EXOC2: variants seen among roughly 807,000 people sequenced by gnomAD.
EXOC2 encodes the protein exocyst complex component 2.
In EXOC2, 70 loss-of-function variants were observed where a neutral mutation model predicts 131.8. That is an observed-to-expected ratio of 0.53 (90% CI 0.44 to 0.65). EXOC2 has a LOEUF of 0.65. EXOC2 is among the 30% of genes least tolerant of loss of function. EXOC2 has a pLI of 0.00. For synonymous variants in EXOC2, 411 were observed against 398.4 expected (o/e 1.03, Z -0.38); for missense variants, 923 against 1,108.6 (o/e 0.83, Z 2.38).
intron 4 of EXOC2, among the ~76,000 whole-genome samples, chr6:627,113 T>C (rs1171146046): frequency 6.6e-6 from 1 of 151,914 alleles, no homozygotes; most frequent in East Asian, 1.9e-4. Flanking sequence ...AGTAAGTAAA[T>C]CAGCAAAATA....
intron 1 of EXOC2, among the ~76,000 whole-genome samples, chr6:655,014 T>A (rs755077793): frequency 3.3e-5 from 5 of 152,094 alleles, no homozygotes; most frequent in Non-Finnish European, 7.4e-5. Flanking sequence ...TTTAGTACAG[T>A]GTATAAACTT....
At chr6:675,431 A>G (rs985307035) in intron 1 of EXOC2, among the ~76,000 whole-genome samples, 1 of 152,222 alleles carries the variant, frequency 6.6e-6, no homozygotes, top group Non-Finnish European at 1.5e-5. Flanking sequence ...GTGCGCAGAC[A>G]TGCAGGAGTA....
intron 23 of EXOC2, among the ~76,000 whole-genome samples, chr6:509,276 T>C (rs1486758306): frequency 1.3e-5 from 2 of 152,222 alleles, no homozygotes; most frequent in Non-Finnish European, 2.9e-5. Context: ...GCAATAAACA[T>C]AGATTCTTGG....
chr6:687,222 G>A (rs181899897), intron 1 of EXOC2, among the ~76,000 whole-genome samples: 1 of 112,072 alleles, frequency 8.9e-6, no homozygotes, highest in Non-Finnish European at 1.7e-5. Context: ...AGTCACCCAG[G>A]CTGCTGGAGT....
intron 22 of EXOC2, among the ~76,000 whole-genome samples, chr6:539,168 C>G (rs1006479831): frequency 6.6e-6 from 1 of 151,988 alleles, no homozygotes; most frequent in Admixed American, 6.6e-5. Flanking sequence ...ATCATAAGTT[C>G]AGGAATATCT....
chr6:564,290 A>G, intron 15 of EXOC2, 136 bp from the exon 16 acceptor site: 2 of 1,321,734 alleles, frequency 1.5e-6, no homozygotes, highest in African/African-American at 2.9e-5. Flanking sequence ...AACAGACCAC[A>G]ACTGGGACTG....
chr6:494,212 C>A (rs1485864695), intron 25 of EXOC2, among the ~76,000 whole-genome samples: 3 of 152,186 alleles, frequency 2.0e-5, no homozygotes, highest in Non-Finnish European at 1.5e-5. Context: ...TCTCCCCTAA[C>A]CAAATTAACA....
chr6:495,469 C>G (rs1351464643), intron 25 of EXOC2, among the ~76,000 whole-genome samples: 1 of 152,178 alleles, frequency 6.6e-6, no homozygotes, highest in African/African-American at 2.4e-5. Flanking sequence ...CCATGGTGAA[C>G]ATTCTTACAA....
At chr6:677,934 T>TCTCACACACA (rs111239666) in intron 1 of EXOC2, among the ~76,000 whole-genome samples, 2,537 of 147,282 alleles carry the variant, frequency 0.017, 29 homozygotes, top group African/African-American at 0.022. Context: ...TTATAATCTC[T>TCTCACACACA]CACACACACA....
At chr6:642,184 A>G (rs1762386245) in intron 1 of EXOC2, among the ~76,000 whole-genome samples, 1 of 152,232 alleles carries the variant, frequency 6.6e-6, no homozygotes, top group South Asian at 2.1e-4. Flanking sequence ...ATTTCAAGTC[A>G]TGCTCAAATG....
chr6:693,118 C>T lies in EXOC2; in HGVS notation c.-143G>A, dbSNP rs1765032407. The T allele has an allele frequency of 6.6e-6, 1 of 152,400 alleles. No individual in the cohort carries two copies. The highest frequency in any genetic ancestry group is 2.4e-5 in the African/African-American group (1 of 41,468). The allele number at this position is 152,400 out of a possible 1,614,324, so 9.4% of individuals were successfully genotyped here. On this transcript the variant is annotated 5_prime_UTR_variant, in exon 1 of 28. Coordinates refer to ENST00000230449, the MANE Select transcript of EXOC2 (RefSeq NM_018303.6). Reference sequence around the variant, plus strand: ...CCAGCCGCCGGCACCTCACTTCCGCCCGCCGCGAGCGCCGAGCGTGTAGAT... The same window carrying T: ...CCAGCCGCCGGCACCTCACTTCCGCTCGCCGCGAGCGCCGAGCGTGTAGAT...
chr6:629,869 G>GT lies in EXOC2; in HGVS notation c.387dup (p.Arg130ThrfsTer4). 6.2e-7 allele frequency: 1 copy of GT among 1,614,048 alleles called. No homozygotes were observed. The highest frequency in any genetic ancestry group is 8.5e-7 in the Non-Finnish European group (1 of 1,179,942). On this transcript the variant is annotated frameshift_variant, in exon 4 of 28. Coordinates refer to ENST00000230449, the MANE Select transcript of EXOC2 (RefSeq NM_018303.6). LOFTEE classifies it high-confidence loss of function. ...TCAATGCCAAGCGGGTTAGCAGGAC[G>GT]TAAGGACAAGGGCGGAATTCCTTTG...
At chr6:555,171 C>G (rs1757353349) in intron 20 of EXOC2, 56 bp downstream of exon 20, 1 of 1,023,578 alleles carries the variant, frequency 9.8e-7, no homozygotes, top group African/African-American at 1.6e-5. Flanking sequence ...AAAACTTGAG[C>G]CTGTATTTTT....
chr6:507,608 A>G (rs939847656), intron 23 of EXOC2, among the ~76,000 whole-genome samples: 3 of 152,174 alleles, frequency 2.0e-5, no homozygotes, highest in Non-Finnish European at 4.4e-5. Flanking sequence ...TCCCCTTTGC[A>G]TGTGGGTGCT....
intron 23 of EXOC2, among the ~76,000 whole-genome samples, chr6:507,298 C>T (rs1289357123): frequency 3.0e-5 from 3 of 98,952 alleles, no homozygotes; most frequent in Non-Finnish European, 6.0e-5. Context: ...AGTGACTACA[C>T]ACACACACAC....
At chr6:621,093 C>T (rs1378303193) in intron 4 of EXOC2, among the ~76,000 whole-genome samples, 1 of 152,218 alleles carries the variant, frequency 6.6e-6, no homozygotes, top group Non-Finnish European at 1.5e-5. Context: ...GTTCAGGTGA[C>T]CAGTGCCCAT....
At chr6:631,487 A>G (rs547666543) in intron 3 of EXOC2, among the ~76,000 whole-genome samples, 12 of 152,148 alleles carry the variant, frequency 7.9e-5, no homozygotes, top group South Asian at 4.1e-4. Flanking sequence ...GCAGTAAGCC[A>G]AGATTGAGAT....
chr6:679,709 C>A (rs886413916), intron 1 of EXOC2, among the ~76,000 whole-genome samples: 2 of 152,148 alleles, frequency 1.3e-5, no homozygotes, highest in Non-Finnish European at 2.9e-5. Flanking sequence ...ACCAAAACAT[C>A]CAGTAAAATG....
intron 22 of EXOC2, among the ~76,000 whole-genome samples, chr6:545,877 A>G (rs942921669): frequency 3.3e-5 from 5 of 152,238 alleles, no homozygotes; most frequent in Non-Finnish European, 5.9e-5. Flanking sequence ...TTATAAAGCC[A>G]TAAGACACAT....
Sources: gnomAD v4.1 joint callset for allele counts (sites outside exome capture counted in the v4.1 genomes callset) on GRCh38, gnomAD v4.1.1 for gene constraint, MANE v1.5 for transcripts, NCBI Gene and HGNC (gene_info 2026-07-23, HGNC 2026-07-21) for gene names.